The following ZNF584 variants were observed in gnomAD, a reference collection of about 807,000 sequenced individuals.
ZNF584 encodes the protein zinc finger protein 584.
Under a neutral mutation model 14.7 loss-of-function variants are expected in ZNF584, and 12 were observed. That is an observed-to-expected ratio of 0.82 (90% confidence interval 0.52 to 1.32). ZNF584 has a LOEUF of 1.32. ZNF584 is among the 40% of genes most tolerant of loss of function. The probability of loss-of-function intolerance (pLI) is 0.00; values close to 1 mark genes in which losing one functional copy is unlikely to be tolerated. For missense variants in ZNF584, 478 were observed against 518.8 expected, an observed-to-expected ratio of 0.92 and a Z score of 0.76; for synonymous variants, 204 against 190.9, an observed-to-expected ratio of 1.07 and a Z score of -0.57.
chr19:58,409,138 G>A lies in ZNF584; in HGVS notation c.-10G>A, dbSNP rs760908099. 2.8e-6 allele frequency: 4 copies of A among 1,450,404 alleles called. No homozygotes were observed. Among genetic ancestry groups the A allele is most frequent in the Non-Finnish European group, 3.7e-6 (4 of 1,093,434 alleles). The allele number at this position is 1,450,404 out of a possible 1,614,324, so 89.8% of individuals were successfully genotyped here. ...TGGGTCCAGTCCACGGGTTCTGCCC[G>A]CACGGTCCAATGGCCGGGGAGGCGG... is the stretch of plus-strand genomic sequence containing the variant. On this transcript the variant is annotated 5_prime_UTR_variant, in exon 1 of 4. Coordinates refer to ENST00000306910, the MANE Select transcript of ZNF584 (RefSeq NM_173548.3).
intron 2 of ZNF584, among the ~76,000 whole-genome samples, chr19:58,414,992 A>T (rs1018630593): frequency 6.6e-6 from 1 of 151,816 alleles, no homozygotes; most frequent in African/African-American, 2.4e-5. Context: ...TCCCAGGTTC[A>T]TGCCATTCTC....
upstream of ZNF584, chr19:58,405,624 T>G (rs1396906920): frequency 1.3e-4 from 21 of 165,262 alleles, no homozygotes; most frequent in Non-Finnish European, 3.7e-5. Context: ...TCCTCACTTC[T>G]CAGACGGGGC....
Position 58,410,550 on chromosome 19 carries a change from T to C in ZNF584, c.169+459T>C, listed in dbSNP as rs1364766186. Reference sequence around the variant, plus strand: ...ATATATATATATATATATATATATATATATATATGTGTATATATATATGTA... The same window carrying C: ...ATATATATATATATATATATATATACATATATATGTGTATATATATATGTA... On this transcript the variant is annotated intron_variant, in intron 2 of 3. Transcript: ENST00000306910. 8.4e-4 allele frequency among the ~76,000 whole-genome samples: 51 copies of C among 60,466 alleles called. 12 individuals are homozygous for C. Among genetic ancestry groups the C allele is most frequent in the African/African-American group, 5.0e-3 (38 of 7,536 alleles). The allele number at this position is 60,466 out of a possible 152,430, so 39.7% of individuals were successfully genotyped here. A position where few individuals can be genotyped will look rare whatever the true frequency, so the allele number is the denominator to read the frequency against.
chr19:58,407,055 G>C (rs1018397640), upstream of ZNF584: 1 of 152,724 alleles, frequency 6.5e-6, no homozygotes, highest in Non-Finnish European at 1.5e-5. Context: ...ATTGAGCTGA[G>C]TGGAGGCACC....
Position 58,402,488 on chromosome 19 carries a change from T to A in ZNF584, n.92+826T>A, listed in dbSNP as rs115317070. Reference sequence around the variant, plus strand: ...TCTTTCAAAACATAACAGATTTTTTTAAAAAACAATTTACATACCATATAA... The same window carrying A: ...TCTTTCAAAACATAACAGATTTTTTAAAAAAACAATTTACATACCATATAA... On this transcript the variant is annotated intron_variant and non_coding_transcript_variant, in intron 1 of 3. Transcript: ENST00000594993. Among the ~76,000 whole-genome samples the A allele has an allele frequency of 4.9e-3, 739 of 152,318 alleles. 1 individual carries two copies. Among genetic ancestry groups the A allele is most frequent in the African/African-American group, 0.017 (703 of 41,560 alleles).
intron 1 of ZNF584, 121 bp from the exon 2 acceptor site, chr19:58,409,820 T>A: frequency 1.7e-6 from 2 of 1,210,654 alleles, no homozygotes; most frequent in Non-Finnish European, 2.4e-6. Flanking sequence ...AGTTTAGAGC[T>A]CATAGGGAAA....
In ZNF584 at chr19:58,415,588, C is replaced by T; in HGVS notation, c.234C>T (p.Pro78=). 6.2e-7 allele frequency: 1 copy of T among 1,614,138 alleles called. No homozygotes were observed. ...QLEDDEQSWV[P]SWVDVTPVSR... ...AGGATGATGAACAGTCGTGGGTGCC[C>T]AGCTGGGTGGATGTGACTCCAGTCA... Residue 78 remains proline (P), a synonymous_variant, in exon 3 of 4, where the codon CCC becomes CCT. Transcript: ENST00000306910.
chr19:58,404,738 G>A (rs570683397), upstream of ZNF584: 16 of 215,942 alleles, frequency 7.4e-5, no homozygotes, highest in East Asian at 1.6e-3. Context: ...CGTTCTCAAC[G>A]AGCTGTTGGG....
intron 1 of ZNF584, among the ~76,000 whole-genome samples, chr19:58,402,426 A>AAC (rs2052437270): frequency 6.6e-6 from 1 of 152,254 alleles, no homozygotes; most frequent in African/African-American, 2.4e-5. Flanking sequence ...TTTCACATTA[A>AAC]GTACTTCTCC....
In ZNF584 at chr19:58,417,839, C is replaced by T. The variant is rs1403167949; in HGVS notation, c.*55C>T. On this transcript the variant is annotated 3_prime_UTR_variant, in exon 4 of 4. Transcript: ENST00000306910. Reference sequence around the variant, plus strand: ...CAGAAAGGAGGTTAAGGAGAGTGGCCGTGAGAGTGCCATCCGAAAGAAGCT... The same window carrying T: ...CAGAAAGGAGGTTAAGGAGAGTGGCTGTGAGAGTGCCATCCGAAAGAAGCT... 21 of 1,534,300 alleles carry T rather than the reference C, an allele frequency of 1.4e-5. No homozygotes were observed. The highest frequency in any genetic ancestry group is 2.1e-4 in the Middle Eastern group (1 of 4,662).
In ZNF584 at chr19:58,417,253, T is replaced by C. The variant is rs745465610; in HGVS notation, c.735T>C (p.Ser245=). The C allele has an allele frequency of 5.0e-6, 8 of 1,614,052 alleles. No individual in the cohort carries two copies. The South Asian group carries it at 8.8e-5, about 18-fold the overall frequency. The part of the protein sequence containing the change: ...VHTGIKPFKC[S]DCGKTFNRKD... ...CAGGCATAAAACCTTTTAAGTGTAG[T>C]GACTGTGGTAAAACCTTCAACCGCA... is the stretch of plus-strand genomic sequence containing the variant. The change falls in exon 4 of 4, where the codon AGT becomes AGC. Residue 245 remains serine, a synonymous_variant. Coordinates refer to ENST00000306910, the MANE Select transcript of ZNF584 (RefSeq NM_173548.3).
At position 58,417,101 on chromosome 19, in the gene ZNF584, G is replaced by T; in HGVS notation, c.583G>T (p.Ala195Ser). The change falls in exon 4 of 4, where the codon GCT (alanine) becomes TCT (serine). Residue 195 changes from alanine (A) to serine (S), a missense_variant. Ala to Ser is a moderately conservative substitution (Grantham distance 99). Transcript: ENST00000306910. ...CTTCAGATGCCCAACAGGCAGAAGT[G>T]CTTTCAAGAAGTCAGCTCATATTAA... ...RPFRCPTGRS[A>S]FKKSAHINPR... 3.7e-6 allele frequency: 6 copies of T among 1,614,022 alleles called. No homozygotes were observed. The highest frequency in any genetic ancestry group is 5.1e-6 in the Non-Finnish European group (6 of 1,179,886).
rs370541209 is a variant in ZNF584 at position 58,412,355 on chromosome 19, G to A, written c.169+2264G>A. Among the ~76,000 whole-genome samples, 5 of 151,432 alleles carry A rather than the reference G, an allele frequency of 3.3e-5. No individual in the cohort carries two copies. In the East Asian group the frequency reaches 5.8e-4, roughly 18 times the overall value. On this transcript the variant is annotated intron_variant, in intron 2 of 3. Coordinates refer to ENST00000306910, the MANE Select transcript of ZNF584 (RefSeq NM_173548.3). ...CTCCCGAGTAGCTGGGACTACAGGCGCCCGCCACCGCGCCCGGCTAATTTT... is the reference window on the plus strand; with the variant it reads ...CTCCCGAGTAGCTGGGACTACAGGCACCCGCCACCGCGCCCGGCTAATTTT...
intron 2 of ZNF584, among the ~76,000 whole-genome samples, chr19:58,412,126 A>G (rs1599950489): frequency 6.8e-6 from 1 of 148,082 alleles, no homozygotes; most frequent in Non-Finnish European, 1.5e-5. Context: ...GGTTACAGGC[A>G]TGCACCACTA....
At chr19:58,408,193 A>G (rs1296957962), upstream of ZNF584, 2 of 152,260 alleles carry the variant, frequency 1.3e-5, no homozygotes, top group Non-Finnish European at 2.9e-5. Flanking sequence ...GGGCTCCGTA[A>G]AGCGGACACG....
In ZNF584 at chr19:58,417,168, A is replaced by G. The variant is rs1387312129; in HGVS notation, c.650A>G (p.Asn217Ser). 6.2e-7 allele frequency: 1 copy of G among 1,613,744 alleles called. No individual in the cohort carries two copies. Among genetic ancestry groups the G allele is most frequent in the Non-Finnish European group, 8.5e-7 (1 of 1,179,686 alleles). ...ACTGGAGAAACAGCCCATGTGTGTA[A>G]TGAATGTGGGAAGGCCTTCAGTTAC... ...IHTGETAHVCNECGKAFSYPS... is the reference protein window; with the variant it reads ...IHTGETAHVCSECGKAFSYPS... Residue 217 changes from asparagine to serine, a missense_variant, in exon 4 of 4, where the codon AAT (asparagine) becomes AGT (serine). Asn to Ser is a conservative substitution (Grantham distance 46, BLOSUM62 1). Around this residue, in one of 3 missense-constraint regions of ZNF584, gnomAD observed 283 missense variants for 317.3 expected, o/e 0.89. Coordinates refer to ENST00000306910, the MANE Select transcript of ZNF584 (RefSeq NM_173548.3).
chr19:58,406,389 T>G (rs1452056710), upstream of ZNF584: 1 of 143,976 alleles, frequency 6.9e-6, no homozygotes, highest in African/African-American at 2.5e-5. Context: ...AGGAACAGAT[T>G]TTCAAGAACG....
At chr19:58,405,871 C>T (rs62116436), upstream of ZNF584, 13,263 of 156,016 alleles carry the variant, frequency 0.085, 850 homozygotes, top group East Asian at 0.38. Context: ...ACTGGGCAGC[C>T]AGGCAGAGGG....
At chr19:58,416,313 T>G (rs1253924006) in intron 3 of ZNF584, 1 of 180,858 alleles carries the variant, frequency 5.5e-6, no homozygotes, top group Non-Finnish European at 1.2e-5. Context: ...CTCAGCTCAC[T>G]GCAACCTCTG....
Sources: allele counts gnomAD v4.1 joint callset (sites outside exome capture counted in the v4.1 genomes callset), GRCh38; gene constraint gnomAD v4.1.1; regional missense constraint gnomAD v4.1.1; transcripts MANE v1.5; gene names NCBI Gene and HGNC (gene_info 2026-07-23, HGNC 2026-07-21).